Variants in SLCO2A1 observed in about 807,000 individuals in gnomAD.
The protein encoded by SLCO2A1 is solute carrier organic anion transporter family member 2A1, also known as matrin F/G 1.
A neutral mutation model predicts 71.7 loss-of-function variants in SLCO2A1; 60 were observed. The observed-to-expected ratio is 0.84, with a 90% CI of 0.68 to 1.04. SLCO2A1 has a LOEUF of 1.04. SLCO2A1 is among the 50% of genes least tolerant of loss of function. The probability of loss-of-function intolerance (pLI) is 0.00; values close to 1 mark genes in which losing one functional copy is unlikely to be tolerated. For synonymous variants in SLCO2A1, 308 were observed against 326.7 expected (o/e 0.94, Z 0.62); for missense variants, 745 against 813.4 (o/e 0.92, Z 1.02).
At chr3:134,026,186 C>T (rs185787246) in intron 1 of SLCO2A1, among the ~76,000 whole-genome samples, 4 of 152,176 alleles carry the variant, frequency 2.6e-5, no homozygotes, top group East Asian at 3.9e-4. Context: ...CCCCATAGGA[C>T]GACTTCTTTG....
Position 133,954,153 on chromosome 3 carries a change from CTTTTTTTTTTTTTTTT to C in SLCO2A1, c.626-408_626-393del, listed in dbSNP as rs60871049. 1.3e-4 allele frequency among the ~76,000 whole-genome samples: 8 copies of C among 60,898 alleles called. 1 individual carries two copies. Among genetic ancestry groups the C allele is most frequent in the South Asian group, 7.9e-4 (1 of 1,268 alleles). The allele number at this position is 60,898 out of a possible 152,430, so 40.0% of individuals were successfully genotyped here. ...CTGAGGATGCTCAAAGTGGTGTGTT[CTTTTTTTTTTTTTTTT>C]TTTTTTTTTTTAGATGGAGTTTCAC... On this transcript the variant is annotated intron_variant, in intron 4 of 13. Coordinates refer to ENST00000310926, the MANE Select transcript of SLCO2A1 (RefSeq NM_005630.3).
At chr3:134,029,164 C>T (rs1321211802) in intron 1 of SLCO2A1, among the ~76,000 whole-genome samples, 4 of 152,034 alleles carry the variant, frequency 2.6e-5, no homozygotes, top group Non-Finnish European at 5.9e-5. Context: ...TAGCAGAGCC[C>T]CCCGCCCCCG....
At chr3:133,947,475 G>C in intron 8 of SLCO2A1, 30 bp from the exon 9 acceptor site, 1 of 1,588,606 alleles carries the variant, frequency 6.3e-7, no homozygotes, top group Non-Finnish European at 8.6e-7. Context: ...GGTGATCCAG[G>C]TGCACAGGCC....
chr3:133,935,788 A>G lies in SLCO2A1; in HGVS notation c.1800T>C (p.Asp600=). ...TGGGCCCTCACCTGTCTCGGAGAGC[A>G]TCGTTGTCATAGTAGGCGCAGGCCC... ...RRGACAYYDN[D]ALRDRYLGLQ... Residue 600 remains aspartate (D), a synonymous_variant, in exon 13 of 14, where the codon GAT becomes GAC. Coordinates refer to ENST00000310926, the MANE Select transcript of SLCO2A1 (RefSeq NM_005630.3). The G allele has an allele frequency of 6.2e-7, 1 of 1,605,704 alleles. No individual in the cohort carries two copies. The highest frequency in any genetic ancestry group is 1.3e-5 in the African/African-American group (1 of 74,896).
At chr3:133,959,606 C>T (rs966564864) in intron 3 of SLCO2A1, among the ~76,000 whole-genome samples, 3 of 152,148 alleles carry the variant, frequency 2.0e-5, no homozygotes. Context: ...GGGCAGATTG[C>T]TTAAGCCCAG....
At chr3:134,004,656 G>A (rs572903911) in intron 1 of SLCO2A1, among the ~76,000 whole-genome samples, 2 of 152,262 alleles carry the variant, frequency 1.3e-5, no homozygotes, top group African/African-American at 4.8e-5. Context: ...AAAATAAGGA[G>A]GCAAGGGTCC....
intron 1 of SLCO2A1, among the ~76,000 whole-genome samples, chr3:134,018,944 G>A (rs1406203860): frequency 6.6e-6 from 1 of 152,194 alleles, no homozygotes; most frequent in East Asian, 1.9e-4. Context: ...CCACCTGAAA[G>A]CTGCCACATT....
At chr3:133,957,274 C>T (rs1355671997) in intron 3 of SLCO2A1, among the ~76,000 whole-genome samples, 2 of 152,178 alleles carry the variant, frequency 1.3e-5, no homozygotes, top group Admixed American at 6.5e-5. Flanking sequence ...ACCTCTCCCC[C>T]GTGGAGTGTT....
At position 133,979,625 on chromosome 3, in the gene SLCO2A1, G is replaced by A. The variant is rs376101914; in HGVS notation, c.97-7C>T. The stretch of plus-strand genomic sequence containing the variant: ...CTTGGCAGAGCACAAACACCTGGGG[G>A]AAGAGTGATGGGCCCGTGAGGTTTC... On this transcript the variant is annotated splice_region_variant and splice_polypyrimidine_tract_variant and intron_variant, in intron 1 of 13. Coordinates refer to ENST00000310926, the MANE Select transcript of SLCO2A1 (RefSeq NM_005630.3). 2.8e-5 allele frequency: 45 copies of A among 1,603,860 alleles called. No individual in the cohort carries two copies. The highest frequency in any genetic ancestry group is 4.0e-5 in the African/African-American group (3 of 74,610).
chr3:133,957,169 C>T (rs1011071686), intron 3 of SLCO2A1, among the ~76,000 whole-genome samples: 2 of 152,302 alleles, frequency 1.3e-5, no homozygotes, highest in South Asian at 2.1e-4. Context: ...CTGACGTCAC[C>T]GATCTTGCTC....
At chr3:133,989,152 C>A (rs1333917281) in intron 1 of SLCO2A1, among the ~76,000 whole-genome samples, 1 of 152,144 alleles carries the variant, frequency 6.6e-6, no homozygotes, top group Non-Finnish European at 1.5e-5. Context: ...TAGCCACAAG[C>A]CAAATCCTTC....
intron 1 of SLCO2A1, among the ~76,000 whole-genome samples, chr3:134,028,835 G>T (rs531771537): frequency 6.6e-6 from 1 of 152,240 alleles, no homozygotes; most frequent in Non-Finnish European, 1.5e-5. Context: ...TGCCTAGGCA[G>T]AACGGGCAAA....
intron 13 of SLCO2A1, among the ~76,000 whole-genome samples, chr3:133,935,142 G>C (rs1933237023): frequency 6.6e-6 from 1 of 152,174 alleles, no homozygotes; most frequent in East Asian, 1.9e-4. Context: ...AGCAGAGCCA[G>C]AAGGAGAGAG....
chr3:133,999,875 A>T (rs1216044228), intron 1 of SLCO2A1, among the ~76,000 whole-genome samples: 2 of 152,228 alleles, frequency 1.3e-5, no homozygotes, highest in African/African-American at 4.8e-5. Flanking sequence ...ACGGAATTTT[A>T]TCTCTATCTG....
intron 11 of SLCO2A1, among the ~76,000 whole-genome samples, chr3:133,940,614 T>C (rs1933396447): frequency 6.6e-6 from 1 of 152,176 alleles, no homozygotes; most frequent in East Asian, 1.9e-4. Context: ...ATGTCAGGGC[T>C]GGAGGGTCCA....
chr3:133,944,704 C>G (rs1187361960), intron 10 of SLCO2A1, among the ~76,000 whole-genome samples: 7 of 152,240 alleles, frequency 4.6e-5, no homozygotes, highest in Non-Finnish European at 7.3e-5. Context: ...GTCCATGTCA[C>G]AGAAGCCTAA....
chr3:134,003,099 A>AG (rs1199257117), intron 1 of SLCO2A1, among the ~76,000 whole-genome samples: 1 of 151,820 alleles, frequency 6.6e-6, no homozygotes, highest in African/African-American at 2.4e-5. Context: ...TCTCAAAGGC[A>AG]AGTGCAAGGG....
chr3:134,016,898 C>A (rs58383609), intron 1 of SLCO2A1, among the ~76,000 whole-genome samples: 29,838 of 152,162 alleles, frequency 0.2, 3,263 homozygotes, highest in East Asian at 0.41. Context: ...GGATGGATCT[C>A]AAGGGCATAA....
At position 133,955,278 on chromosome 3, in the gene SLCO2A1, C is replaced by A. The variant is rs192141391; in HGVS notation, c.398-85G>T. On this transcript the variant is annotated intron_variant, in intron 3 of 13. Coordinates refer to ENST00000310926, the MANE Select transcript of SLCO2A1 (RefSeq NM_005630.3). ...CTCCAAACCCGGCCTTTCTCCCAGG[C>A]CCCTTGGGGAAGGACCAACTTTGGC... The A allele has an allele frequency of 7.8e-5, 98 of 1,253,948 alleles. No homozygotes were observed. In the Admixed American group the frequency reaches 2.0e-3, roughly 26 times the overall value. The allele number at this position is 1,253,948 out of a possible 1,614,324, so 77.7% of individuals were successfully genotyped here. A position where few individuals can be genotyped will look rare whatever the true frequency, so the allele number is the denominator to read the frequency against.
Sources: gnomAD v4.1 joint callset for allele counts (sites outside exome capture counted in the v4.1 genomes callset) on GRCh38, gnomAD v4.1.1 for gene constraint, MANE v1.5 for transcripts, NCBI Gene and HGNC (gene_info 2026-07-23, HGNC 2026-07-21) for gene names.